The following PDZD2 variants were observed in gnomAD, a reference collection of about 807,000 sequenced individuals.
The protein encoded by PDZD2 is PDZ domain-containing protein 2.
PDZD2 carries 90 observed loss-of-function variants against 220.7 expected under a neutral mutation model. That is an observed-to-expected ratio of 0.41 (90% CI 0.34 to 0.49). The LOEUF (loss-of-function observed/expected upper bound fraction) is 0.49, where lower values mean the gene tolerates loss of function less well. Among genes scored for constraint, PDZD2 ranks in the 20% least tolerant of loss-of-function variants. The pLI, the probability that PDZD2 is intolerant of heterozygous loss-of-function variation, is 0.28. For synonymous variants in PDZD2, 1,375 were observed against 1,450.5 expected (o/e 0.95, Z 1.18); for missense variants, 3,174 against 3,608.5 (o/e 0.88, Z 3.08).
intron 1 of PDZD2, among the ~76,000 whole-genome samples, chr5:31,786,705 CTT>C (rs1753401447): frequency 6.6e-6 from 1 of 152,096 alleles, no homozygotes; most frequent in African/African-American, 2.4e-5. Context: ...TGGAAAGAAA[CTT>C]AGTAAAACCA....
intron 2 of PDZD2, among the ~76,000 whole-genome samples, chr5:31,947,555 C>T (rs1231593323): frequency 6.6e-6 from 1 of 152,206 alleles, no homozygotes; most frequent in African/African-American, 2.4e-5. Flanking sequence ...GAAACATAAG[C>T]CAGGTGTGGT....
Position 31,984,226 on chromosome 5 carries a change from A to G in PDZD2, c.978+570A>G, listed in dbSNP as rs555425920. The stretch of plus-strand genomic sequence containing the variant: ...TCTAGGGAAGTTTGGAAGCTTGACA[A>G]CAATCTCTGATACTATGAAATCCAG... On this transcript the variant is annotated intron_variant, in intron 3 of 24. Transcript: ENST00000438447. Among the ~76,000 whole-genome samples the G allele has an allele frequency of 1.1e-4, 16 of 152,332 alleles. 1 individual carries two copies. The highest frequency in any genetic ancestry group is 6.8e-3 in the Middle Eastern group (2 of 294).
At chr5:31,746,519 G>A (rs1377672592) in intron 1 of PDZD2, among the ~76,000 whole-genome samples, 1 of 152,042 alleles carries the variant, frequency 6.6e-6, no homozygotes, top group Non-Finnish European at 1.5e-5. Context: ...TCATCGCCCT[G>A]GCAAAAATAT....
intron 14 of PDZD2, among the ~76,000 whole-genome samples, chr5:32,068,612 A>G (rs1202917871): frequency 1.3e-5 from 2 of 152,252 alleles, no homozygotes; most frequent in African/African-American, 4.8e-5. Flanking sequence ...TGCAAAGGAC[A>G]CTATTAGAAA....
chr5:31,805,008 A>G (rs528738210), intron 2 of PDZD2, among the ~76,000 whole-genome samples: 1 of 152,198 alleles, frequency 6.6e-6, no homozygotes, highest in Non-Finnish European at 1.5e-5. Context: ...AGCCTGGCCA[A>G]CATGGCGAAA....
intron 1 of PDZD2, among the ~76,000 whole-genome samples, chr5:31,777,292 C>T (rs1315359337): frequency 6.6e-6 from 1 of 152,202 alleles, no homozygotes; most frequent in Admixed American, 6.5e-5. Flanking sequence ...CACTGCTGGC[C>T]CGCCCGCACT....
intron 19 of PDZD2, among the ~76,000 whole-genome samples, chr5:32,086,635 G>A (rs1461743473): frequency 6.6e-6 from 1 of 151,872 alleles, no homozygotes; most frequent in Non-Finnish European, 1.5e-5. Context: ...AGACAAGAAG[G>A]GCCTCCATTT....
At chr5:32,011,017 A>C (rs1263225290) in intron 6 of PDZD2, among the ~76,000 whole-genome samples, 1 of 150,274 alleles carries the variant, frequency 6.7e-6, no homozygotes, top group African/African-American at 2.5e-5. Flanking sequence ...TCAAAAAAAA[A>C]AAAAACAACA....
At chr5:31,860,728 T>A (rs893295520) in intron 2 of PDZD2, among the ~76,000 whole-genome samples, 1 of 152,182 alleles carries the variant, frequency 6.6e-6, no homozygotes, top group Admixed American at 6.6e-5. Context: ...CATGGTAGCG[T>A]CTTCTTCATT....
At chr5:31,652,130 C>A (rs1477719327) in intron 1 of PDZD2, among the ~76,000 whole-genome samples, 1 of 136,496 alleles carries the variant, frequency 7.3e-6, no homozygotes, top group Non-Finnish European at 1.6e-5. Flanking sequence ...TGCGTCTGGC[C>A]TGGGTTTTTT....
chr5:32,034,635 C>T lies in PDZD2; in HGVS notation c.1408-2596C>T, dbSNP rs145002216. On this transcript the variant is annotated intron_variant, in intron 6 of 24. Transcript: ENST00000438447. The stretch of plus-strand genomic sequence containing the variant: ...CTCCGCTTCCCAAAGTGATTACAGA[C>T]GTGAGCCATCACGCCCAGCTGGAAC... Among the ~76,000 whole-genome samples the T allele has an allele frequency of 6.0e-3, 916 of 152,236 alleles. 11 individuals carry two copies. Among genetic ancestry groups the T allele is most frequent in the African/African-American group, 0.021 (870 of 41,526 alleles).
chr5:31,955,683 C>CTTTTTTTTTTTTTTTTTTTT (rs34964306), intron 2 of PDZD2, among the ~76,000 whole-genome samples: 5 of 116,882 alleles, frequency 4.3e-5, no homozygotes, highest in Non-Finnish European at 7.1e-5. Flanking sequence ...GGGCTCTGTT[C>CTTTTTTTTTTTTTTTTTTTT]TTTTTTTTTT....
At chr5:31,885,730 TAAGTC>T (rs1211679662) in intron 2 of PDZD2, among the ~76,000 whole-genome samples, 1 of 152,156 alleles carries the variant, frequency 6.6e-6, no homozygotes, top group East Asian at 1.9e-4. Context: ...ATGTAGCCAT[TAAGTC>T]AAGTGATGAT....
chr5:31,665,644 T>TCCCCCCC (rs5867091), intron 1 of PDZD2, among the ~76,000 whole-genome samples: 178 of 118,930 alleles, frequency 1.5e-3, no homozygotes, highest in South Asian at 2.3e-3. Flanking sequence ...AAGTTCCCCC[T>TCCCCCCC]CCCCCCCCTC....
At chr5:31,871,271 G>A (rs1738767532) in intron 2 of PDZD2, among the ~76,000 whole-genome samples, 1 of 152,080 alleles carries the variant, frequency 6.6e-6, no homozygotes, top group Admixed American at 6.6e-5. Flanking sequence ...CCCCCAAAAC[G>A]TTTTCAGCTG....
chr5:31,714,705 T>A (rs567659163), intron 1 of PDZD2, among the ~76,000 whole-genome samples: 76 of 152,290 alleles, frequency 5.0e-4, no homozygotes, highest in Non-Finnish European at 9.3e-4. Flanking sequence ...GCATATAAAG[T>A]CCCTAGAGAC....
intron 7 of PDZD2, among the ~76,000 whole-genome samples, chr5:32,041,908 C>CG (rs1756189167): frequency 4.4e-5 from 4 of 90,948 alleles, no homozygotes; most frequent in South Asian, 7.8e-4. Flanking sequence ...AAAAAGAAAG[C>CG]AAAAAAAAAA....
At chr5:31,926,528 A>G (rs1013341754) in intron 2 of PDZD2, among the ~76,000 whole-genome samples, 3 of 145,316 alleles carry the variant, frequency 2.1e-5, no homozygotes, top group African/African-American at 8.0e-5. Context: ...CTGCATCTGA[A>G]AAAAAAAAAA....
chr5:31,749,500 T>A (rs13187390), intron 1 of PDZD2, among the ~76,000 whole-genome samples: 64,586 of 150,796 alleles, frequency 0.43, 14,034 homozygotes, highest in East Asian at 0.49. Flanking sequence ...CTCAGCTCAC[T>A]GCAACCTCAG....
Sources: gnomAD v4.1 joint callset for allele counts (sites outside exome capture counted in the v4.1 genomes callset) on GRCh38, gnomAD v4.1.1 for gene constraint, MANE v1.5 for transcripts, NCBI Gene and HGNC (gene_info 2026-07-23, HGNC 2026-07-21) for gene names.